RORA: variants seen among roughly 807,000 people sequenced by gnomAD.
RORA encodes the protein RAR related orphan receptor A.
A neutral mutation model predicts 69.5 loss-of-function variants in RORA; 7 were observed. That is an observed-to-expected ratio of 0.10 (90% CI 0.06 to 0.19). The LOEUF (loss-of-function observed/expected upper bound fraction) is 0.19, where lower values mean the gene tolerates loss of function less well. Ranked by LOEUF, RORA falls within the 10% of genes least tolerant of loss-of-function variation. RORA has a pLI of 1.00. For missense variants in RORA, 457 were observed against 663.0 expected, an observed-to-expected ratio of 0.69 and a Z score of 3.41; for synonymous variants, 261 against 240.8, an observed-to-expected ratio of 1.08 and a Z score of -0.78.
chr15:60,787,556 A>T (rs768593074), intron 1 of RORA, among the ~76,000 whole-genome samples: 6 of 152,254 alleles, frequency 3.9e-5, no homozygotes, highest in Non-Finnish European at 8.8e-5. Context: ...CAAGGGATAC[A>T]TACAATTGTT....
chr15:60,677,594 TC>T lies in RORA; in HGVS notation c.196+1062del, dbSNP rs368290319. 3.0e-4 allele frequency among the ~76,000 whole-genome samples: 45 copies of T among 150,944 alleles called. No homozygotes were observed. In the South Asian group the frequency reaches 8.1e-3, roughly 27 times the overall value. On this transcript the variant is annotated intron_variant, in intron 2 of 10. Transcript: ENST00000335670. ...TTTGGTTTTTTCTTTTTTTTTTTTT[TC>T]ATTTTTGTTTTCTACAAATACAGAT...
intron 1 of RORA, among the ~76,000 whole-genome samples, chr15:61,187,846 G>C (rs749349040): frequency 3.9e-5 from 6 of 152,130 alleles, no homozygotes; most frequent in Non-Finnish European, 7.4e-5. Flanking sequence ...GGAGAAGACA[G>C]AACTGCCCAG....
intron 1 of RORA, among the ~76,000 whole-genome samples, chr15:61,159,400 G>T (rs1247436740): frequency 6.6e-6 from 1 of 152,096 alleles, no homozygotes; most frequent in Non-Finnish European, 1.5e-5. Context: ...TTACTTACCA[G>T]CTTGTCACCC....
chr15:60,508,533 T>A (rs1379460093), intron 5 of RORA, among the ~76,000 whole-genome samples: 1 of 152,206 alleles, frequency 6.6e-6, no homozygotes, highest in African/African-American at 2.4e-5. Flanking sequence ...TTAATCCTTA[T>A]AACAACCCCA....
At chr15:60,941,362 C>G (rs1162352066) in intron 1 of RORA, among the ~76,000 whole-genome samples, 1 of 152,248 alleles carries the variant, frequency 6.6e-6, no homozygotes, top group Non-Finnish European at 1.5e-5. Context: ...AGTCTTTGCT[C>G]AACTCCAAGC....
rs889572409 is a variant in RORA, at chr15:60,905,368, G to C, written c.167-226682C>G. On this transcript the variant is annotated intron_variant, in intron 1 of 10. Transcript: ENST00000335670. This position sits in a 1 kb window ranked among gnomAD's most constrained non-coding sequence, Gnocchi z 4.8. ...ATAAAATATGCAATTCTTAAGAAATGTCAAAGACAGCTCATTAGATCAACT... is the reference window on the plus strand; with the variant it reads ...ATAAAATATGCAATTCTTAAGAAATCTCAAAGACAGCTCATTAGATCAACT... Among the ~76,000 whole-genome samples the C allele has an allele frequency of 6.6e-6, 1 of 152,160 alleles. No homozygotes were observed. Among genetic ancestry groups the C allele is most frequent in the Non-Finnish European group, 1.5e-5 (1 of 68,046 alleles).
At chr15:60,909,754 T>A (rs568744746) in intron 1 of RORA, among the ~76,000 whole-genome samples, 15 of 152,362 alleles carry the variant, frequency 9.8e-5, no homozygotes, top group African/African-American at 3.6e-4. Flanking sequence ...CCACCCTTGT[T>A]GTTCCATAGA....
At position 60,595,074 on chromosome 15, in the gene RORA, A is replaced by G. The variant is rs568325100; in HGVS notation, c.197-63223T>C. Among the ~76,000 whole-genome samples, 72 of 151,902 alleles carry G rather than the reference A, an allele frequency of 4.7e-4. 1 individual carries two copies. The highest frequency in any genetic ancestry group is 1.7e-3 in the African/African-American group (69 of 41,394). On this transcript the variant is annotated intron_variant, in intron 2 of 10. Transcript: ENST00000335670. Reference sequence around the variant, plus strand: ...ACTCAAAATGCACATTTTCTATGACATTATAAGGCCCCAACCAAACAAATC... The same window carrying G: ...ACTCAAAATGCACATTTTCTATGACGTTATAAGGCCCCAACCAAACAAATC...
At chr15:61,094,068 C>G (rs1437540) in intron 1 of RORA, among the ~76,000 whole-genome samples, 20,214 of 152,122 alleles carry the variant, frequency 0.13, 2,699 homozygotes, top group African/African-American at 0.33. Context: ...CAGGAGAGAG[C>G]CTCATGCTGG....
At chr15:61,002,880 C>G (rs1368754765) in intron 1 of RORA, among the ~76,000 whole-genome samples, 1 of 151,598 alleles carries the variant, frequency 6.6e-6, no homozygotes, top group Non-Finnish European at 1.5e-5. Flanking sequence ...GCCTGTAATC[C>G]CAGCACTTTG....
intron 2 of RORA, chr15:60,614,809 T>G (rs910043376): frequency 5.8e-5 from 60 of 1,030,670 alleles, no homozygotes; most frequent in Non-Finnish European, 7.8e-5. Context: ...TTAAATGAGA[T>G]TATACACACG....
intron 1 of RORA, 36 bp from the exon 2 acceptor site, chr15:60,678,722 T>G: frequency 6.3e-7 from 1 of 1,586,082 alleles, no homozygotes; most frequent in Non-Finnish European, 8.7e-7. Flanking sequence ...GGTTAGAAAG[T>G]GCCCTGTGTG....
At chr15:60,915,278 G>A (rs573607420) in intron 1 of RORA, among the ~76,000 whole-genome samples, 1 of 132,194 alleles carries the variant, frequency 7.6e-6, no homozygotes, top group South Asian at 2.7e-4. Flanking sequence ...ATGAGCATTG[G>A]GACTTCTTTC....
chr15:61,102,774 A>C (rs939576160), intron 1 of RORA, among the ~76,000 whole-genome samples: 4 of 152,066 alleles, frequency 2.6e-5, no homozygotes, highest in African/African-American at 9.7e-5. Flanking sequence ...ACAACATTCT[A>C]ATCTAGCTTT....
At chr15:61,038,600 G>A (rs1896582241) in intron 1 of RORA, among the ~76,000 whole-genome samples, 1 of 152,214 alleles carries the variant, frequency 6.6e-6, no homozygotes, top group Non-Finnish European at 1.5e-5. Context: ...TTGACATCCA[G>A]AAGCAACACG....
intron 3 of RORA, among the ~76,000 whole-genome samples, chr15:60,517,110 C>CTTTTTTTTTTTTTTTTT (rs34707279): frequency 7.1e-6 from 1 of 141,268 alleles, no homozygotes; most frequent in African/African-American, 2.8e-5. Flanking sequence ...TTCATCTGTG[C>CTTTTTTTTTTTTTTTTT]TTTTTTTTTT....
intron 1 of RORA, among the ~76,000 whole-genome samples, chr15:61,111,556 G>T (rs192585133): frequency 6.6e-6 from 1 of 151,912 alleles, no homozygotes; most frequent in Non-Finnish European, 1.5e-5. Context: ...TCTCTAATTT[G>T]CAATTATTCA....
intron 2 of RORA, among the ~76,000 whole-genome samples, chr15:60,648,706 G>A (rs2070095252): frequency 6.6e-6 from 1 of 152,180 alleles, no homozygotes; most frequent in Non-Finnish European, 1.5e-5. Context: ...CTCACGGAGG[G>A]GGTCTCAGTT....
intron 1 of RORA, among the ~76,000 whole-genome samples, chr15:61,030,695 C>T (rs149736437): frequency 2.6e-5 from 4 of 152,118 alleles, no homozygotes; most frequent in South Asian, 2.1e-4. Flanking sequence ...AAAACAATGC[C>T]GTGACTTTTA....
Sources: gnomAD v4.1 joint callset for allele counts (sites outside exome capture counted in the v4.1 genomes callset) on GRCh38, gnomAD v4.1.1 for gene constraint, Gnocchi (gnomAD v3.1) non-coding constraint, MANE v1.5 for transcripts, NCBI Gene and HGNC (gene_info 2026-07-23, HGNC 2026-07-21) for gene names.